MTUS2: variants seen among roughly 807,000 people sequenced by gnomAD.
MTUS2 encodes microtubule associated scaffold protein 2, also known as microtubule-associated tumor suppressor candidate 2.
A neutral mutation model predicts 114.1 loss-of-function variants in MTUS2; 40 were observed. The observed-to-expected ratio is 0.35, with a 90% CI of 0.27 to 0.46. The LOEUF is 0.46. Ranked by LOEUF, MTUS2 falls within the 20% of genes least tolerant of loss-of-function variation. MTUS2 has a pLI of 1.00. For missense variants in MTUS2, 1,679 were observed against 1,705.4 expected (o/e 0.98, Z 0.27); for synonymous variants, 688 against 672.0 (o/e 1.02, Z -0.37).
At chr13:28,957,607 A>G (rs1883132135) in intron 2 of MTUS2, among the ~76,000 whole-genome samples, 1 of 152,236 alleles carries the variant, frequency 6.6e-6, no homozygotes, top group Non-Finnish European at 1.5e-5. Flanking sequence ...AGTATACAGG[A>G]AGATGTGCTC....
chr13:29,495,198 A>C (rs900185862), intron 12 of MTUS2, among the ~76,000 whole-genome samples: 8 of 148,146 alleles, frequency 5.4e-5, no homozygotes, highest in Non-Finnish European at 1.2e-4. Context: ...AAAAAAAAAA[A>C]AAAAAAAACT....
chr13:29,460,187 C>T (rs555433696), intron 9 of MTUS2, among the ~76,000 whole-genome samples: 12 of 152,196 alleles, frequency 7.9e-5, no homozygotes, highest in African/African-American at 2.2e-4. Context: ...TTGACTTGCC[C>T]GAGGCTAGAA....
chr13:29,464,702 G>A (rs566570416), intron 9 of MTUS2, among the ~76,000 whole-genome samples: 26 of 152,240 alleles, frequency 1.7e-4, no homozygotes, highest in African/African-American at 4.1e-4. Flanking sequence ...CTGAATTAGC[G>A]TCTGCATTTT....
At chr13:29,478,244 A>T (rs1172142074) in intron 9 of MTUS2, among the ~76,000 whole-genome samples, 1 of 152,208 alleles carries the variant, frequency 6.6e-6, no homozygotes, top group African/African-American at 2.4e-5. Context: ...GTAACTCGTG[A>T]AACTGAAGTA....
chr13:28,828,725 T>C (rs1874446838), intron 1 of MTUS2, among the ~76,000 whole-genome samples: 1 of 152,104 alleles, frequency 6.6e-6, no homozygotes, highest in Non-Finnish European at 1.5e-5. Flanking sequence ...CCAAGACACT[T>C]AGTAATACAA....
chr13:29,087,779 C>G lies in MTUS2; in HGVS notation c.2447-12994C>G, dbSNP rs148021229. On this transcript the variant is annotated intron_variant, in intron 4 of 15. Coordinates refer to ENST00000612955, the MANE Select transcript of MTUS2 (RefSeq NM_001033602.4). ...GGTGGTTAGTTTAAGCATTTTCTGG[C>G]CAGGTGCAGTGGCTCACGCCTGTAA... 3.0e-4 allele frequency among the ~76,000 whole-genome samples: 45 copies of G among 152,242 alleles called. No individual in the cohort carries two copies. The East Asian group carries it at 8.5e-3, about 29-fold the overall frequency.
At chr13:28,987,272 A>C (rs1330998397) in intron 2 of MTUS2, among the ~76,000 whole-genome samples, 1 of 152,114 alleles carries the variant, frequency 6.6e-6, no homozygotes, top group Non-Finnish European at 1.5e-5. Flanking sequence ...AAGAGTGGAG[A>C]CACACAGAGG....
chr13:29,489,894 A>T (rs1881933635), intron 11 of MTUS2: 1 of 152,222 alleles, frequency 6.6e-6, no homozygotes, highest in South Asian at 2.1e-4. Context: ...ATCTGTCACT[A>T]GAGGAAGCTG....
intron 5 of MTUS2, among the ~76,000 whole-genome samples, chr13:29,241,990 C>T (rs1000049565): frequency 5.3e-5 from 8 of 152,064 alleles, no homozygotes; most frequent in Admixed American, 5.2e-4. Flanking sequence ...TTCAGCTTTG[C>T]GTTCATCCCA....
chr13:29,295,717 T>C (rs980225753), intron 6 of MTUS2, among the ~76,000 whole-genome samples: 3 of 151,996 alleles, frequency 2.0e-5, no homozygotes, highest in Admixed American at 6.6e-5. Flanking sequence ...GCAAAAGAGG[T>C]TTGTTTAATG....
chr13:28,823,902 A>G (rs1329612850), intron 1 of MTUS2, among the ~76,000 whole-genome samples: 2 of 152,168 alleles, frequency 1.3e-5, no homozygotes, highest in African/African-American at 2.4e-5. Flanking sequence ...AAAGGGGGAA[A>G]AACACCGTAT....
At chr13:29,428,760 T>TC in intron 8 of MTUS2, 1 of 1,603,034 alleles carries the variant, frequency 6.2e-7, no homozygotes, top group Non-Finnish European at 8.5e-7. Flanking sequence ...CGCGCCCCTT[T>TC]CGTGTGTGCC....
chr13:29,428,974 G>A (rs529256523), intron 8 of MTUS2: 1 of 1,433,242 alleles, frequency 7.0e-7, no homozygotes, highest in East Asian at 2.3e-5. Context: ...AGCCACCTCG[G>A]TGCCTGTCCC....
At chr13:29,150,306 G>T (rs1467148795) in intron 5 of MTUS2, among the ~76,000 whole-genome samples, 1 of 151,978 alleles carries the variant, frequency 6.6e-6, no homozygotes, top group Non-Finnish European at 1.5e-5. Context: ...TTCATGATTT[G>T]GTTGAGCATT....
intron 7 of MTUS2, among the ~76,000 whole-genome samples, chr13:29,335,342 T>A (rs1901002013): frequency 6.6e-6 from 1 of 152,200 alleles, no homozygotes; most frequent in Non-Finnish European, 1.5e-5. Flanking sequence ...ACCGGTTGTC[T>A]GCTCTCAAAC....
intron 9 of MTUS2, among the ~76,000 whole-genome samples, chr13:29,467,571 A>G (rs1198661624): frequency 1.3e-5 from 2 of 151,976 alleles, no homozygotes; most frequent in South Asian, 4.2e-4. Context: ...ACCATTTCCT[A>G]TTAAAGCCAT....
In MTUS2 at chr13:29,295,174, A is replaced by T. The variant is rs377337004; in HGVS notation, c.2806+13309A>T. Among the ~76,000 whole-genome samples, 5 of 151,852 alleles carry T rather than the reference A, an allele frequency of 3.3e-5. No individual in the cohort carries two copies. In the East Asian group the frequency reaches 5.8e-4, roughly 18 times the overall value. On this transcript the variant is annotated intron_variant, in intron 6 of 15. Transcript: ENST00000612955. ...AATTCACACAATTGTATGTATGTAT[A>T]GGGCACAGTGTGACATTTTGATACA...
At chr13:29,325,128 C>T (rs1900425354) in intron 7 of MTUS2, among the ~76,000 whole-genome samples, 1 of 152,164 alleles carries the variant, frequency 6.6e-6, no homozygotes, top group Non-Finnish European at 1.5e-5. Context: ...GAATAAACTA[C>T]ATAAGGTTGC....
chr13:28,885,595 G>A (rs76498370), intron 2 of MTUS2, among the ~76,000 whole-genome samples: 2,887 of 152,202 alleles, frequency 0.019, 97 homozygotes, highest in African/African-American at 0.066. Flanking sequence ...TTAGGAAGAC[G>A]CCAATTTTAC....
Sources: gnomAD v4.1 joint callset for allele counts (sites outside exome capture counted in the v4.1 genomes callset) on GRCh38, gnomAD v4.1.1 for gene constraint, MANE v1.5 for transcripts, NCBI Gene and HGNC (gene_info 2026-07-23, HGNC 2026-07-21) for gene names.